Variants in SLC35D2 observed in about 807,000 individuals in gnomAD.
SLC35D2 encodes the protein nucleotide sugar transporter SLC35D2.
In SLC35D2, 43 loss-of-function variants were observed where a neutral mutation model predicts 41.8. That is an observed-to-expected ratio of 1.03 (90% confidence interval 0.81 to 1.33). The LOEUF (loss-of-function observed/expected upper bound fraction) is 1.33, where lower values mean the gene tolerates loss of function less well. Ranked by LOEUF, SLC35D2 falls within the 40% of genes most tolerant of loss-of-function variation. SLC35D2 has a pLI of 0.00. For missense variants in SLC35D2, 380 were observed against 408.4 expected (o/e 0.93, Z 0.60); for synonymous variants, 150 against 163.9 (o/e 0.92, Z 0.65).
At chr9:96,368,137 C>G in intron 2 of SLC35D2, 135 bp downstream of exon 2, 1 of 562,850 alleles carries the variant, frequency 1.8e-6, no homozygotes, top group East Asian at 3.0e-5. Context: ...GTTGTCTCAC[C>G]AGGAGTACCA....
Position 96,341,405 on chromosome 9 carries a change from G to A in SLC35D2, c.684+2499C>T, listed in dbSNP as rs58049433. On this transcript the variant is annotated intron_variant, in intron 8 of 11. Transcript: ENST00000253270. ...AAACAAACACTTTTCATATACAAAT[G>A]AAGTAAATAAAGATGACAGTGGAGG... Among the ~76,000 whole-genome samples, 377 of 152,306 alleles carry A rather than the reference G, an allele frequency of 2.5e-3. 1 individual carries two copies. Among genetic ancestry groups the A allele is most frequent in the African/African-American group, 8.5e-3 (352 of 41,556 alleles).
At chr9:96,358,055 A>C (rs1830099759) in intron 4 of SLC35D2, among the ~76,000 whole-genome samples, 1 of 138,442 alleles carries the variant, frequency 7.2e-6, no homozygotes, top group Non-Finnish European at 1.5e-5. Flanking sequence ...ATTTTTATAA[A>C]TGGATAAACA....
chr9:96,323,514 CT>C (rs1019749579), intron 10 of SLC35D2, among the ~76,000 whole-genome samples: 1 of 152,140 alleles, frequency 6.6e-6, no homozygotes, highest in South Asian at 2.1e-4. Flanking sequence ...TTCTTTTTAG[CT>C]TTTTACTTCA....
At chr9:96,364,147 C>T (rs1830389179) in intron 3 of SLC35D2, among the ~76,000 whole-genome samples, 1 of 152,074 alleles carries the variant, frequency 6.6e-6, no homozygotes, top group African/African-American at 2.4e-5. Context: ...GAAACCCCAT[C>T]TCTACTAAAA....
chr9:96,331,720 G>A (rs747426177), intron 9 of SLC35D2, among the ~76,000 whole-genome samples: 1 of 152,116 alleles, frequency 6.6e-6, no homozygotes, highest in Non-Finnish European at 1.5e-5. Context: ...GCCCCAGGCC[G>A]CAGACCGGTA....
chr9:96,318,071 C>G (rs1828101090), downstream of SLC35D2, among the ~76,000 whole-genome samples: 1 of 149,226 alleles, frequency 6.7e-6, no homozygotes, highest in Non-Finnish European at 1.5e-5. Flanking sequence ...CAAGTTTACA[C>G]TCCAGAAGCC....
rs112295734 is a variant in SLC35D2 at position 96,376,168 on chromosome 9, G to A, written c.158+7309C>T. On this transcript the variant is annotated intron_variant, in intron 1 of 11. Coordinates refer to ENST00000253270, the MANE Select transcript of SLC35D2 (RefSeq NM_007001.3). ...AAAATAGCTGGGCATAGTGGCAGGC[G>A]CCTGTAATCCCAGCTACTCGGGAGG... 2.6e-3 allele frequency among the ~76,000 whole-genome samples: 400 copies of A among 151,494 alleles called. 1 individual carries two copies. The highest frequency in any genetic ancestry group is 9.0e-3 in the African/African-American group (372 of 41,304).
intron 4 of SLC35D2, among the ~76,000 whole-genome samples, chr9:96,352,834 T>A (rs1344775348): frequency 4.6e-5 from 7 of 151,944 alleles, no homozygotes; most frequent in African/African-American, 1.7e-4. Context: ...GGTCAGGAGT[T>A]TGACACCACA....
chr9:96,319,691 G>A (rs891102927), downstream of SLC35D2, among the ~76,000 whole-genome samples: 15 of 151,974 alleles, frequency 9.9e-5, no homozygotes, highest in African/African-American at 3.4e-4. Flanking sequence ...TAGAGATGAT[G>A]TTTCGGCCAT....
chr9:96,326,818 A>G (rs983981908), intron 9 of SLC35D2, among the ~76,000 whole-genome samples: 2 of 152,164 alleles, frequency 1.3e-5, no homozygotes, highest in East Asian at 3.9e-4. Flanking sequence ...AAAAAAAAAA[A>G]AAAGAAAATC....
chr9:96,378,600 T>C (rs1306099788), intron 1 of SLC35D2, among the ~76,000 whole-genome samples: 1 of 152,128 alleles, frequency 6.6e-6, no homozygotes, highest in Non-Finnish European at 1.5e-5. Flanking sequence ...TATAATATTA[T>C]ATAATGTTAA....
chr9:96,367,717 G>A (rs1830530319), intron 2 of SLC35D2, among the ~76,000 whole-genome samples: 1 of 152,078 alleles, frequency 6.6e-6, no homozygotes, highest in Admixed American at 6.6e-5. Context: ...GGGAGGCACA[G>A]GTGGCAGTGA....
At chr9:96,359,869 C>G (rs898619892) in intron 4 of SLC35D2, among the ~76,000 whole-genome samples, 5 of 152,062 alleles carry the variant, frequency 3.3e-5, no homozygotes, top group Non-Finnish European at 5.9e-5. Flanking sequence ...ATATTCACAC[C>G]AACAATCCCA....
intron 9 of SLC35D2, among the ~76,000 whole-genome samples, chr9:96,326,195 C>T (rs1828519664): frequency 6.6e-6 from 1 of 152,040 alleles, no homozygotes; most frequent in Admixed American, 6.6e-5. Flanking sequence ...TTGGTTTATT[C>T]TATTTCAAAG....
At chr9:96,369,536 A>C (rs909723978) in intron 1 of SLC35D2, among the ~76,000 whole-genome samples, 5 of 152,198 alleles carry the variant, frequency 3.3e-5, no homozygotes, top group Non-Finnish European at 7.3e-5. Context: ...TTCATGTTCA[A>C]ATTACAATAA....
intron 1 of SLC35D2, among the ~76,000 whole-genome samples, chr9:96,379,972 A>G (rs568080642): frequency 6.8e-6 from 1 of 147,786 alleles, no homozygotes; most frequent in East Asian, 2.0e-4. Context: ...GTCTCAGCTC[A>G]CCACAACCTC....
chr9:96,322,939 T>C (rs1451552087), intron 10 of SLC35D2, among the ~76,000 whole-genome samples: 1 of 151,988 alleles, frequency 6.6e-6, no homozygotes, highest in African/African-American at 2.4e-5. Context: ...GGCTGGTCTC[T>C]AATTCCTGAC....
rs1400724821 is a variant in SLC35D2 at position 96,325,677 on chromosome 9, A to G, written c.753-1508T>C. 2.0e-5 allele frequency among the ~76,000 whole-genome samples: 3 copies of G among 152,332 alleles called. No homozygotes were observed. In the East Asian group the frequency reaches 5.8e-4, roughly 29 times the overall value. On this transcript the variant is annotated intron_variant, in intron 9 of 11. Transcript: ENST00000253270. ...ACAGGGCGAAACTCCATTTCAATTAATTAATTAATTAATTAGTCCCAGGTT... is the reference window on the plus strand; with the variant it reads ...ACAGGGCGAAACTCCATTTCAATTAGTTAATTAATTAATTAGTCCCAGGTT...
downstream of SLC35D2, among the ~76,000 whole-genome samples, chr9:96,318,313 T>C (rs1326207553): frequency 6.6e-6 from 1 of 151,762 alleles, no homozygotes; most frequent in African/African-American, 2.4e-5. Flanking sequence ...TATTTAAAAT[T>C]AGGCAGGCTA....
Sources: gnomAD v4.1 joint callset for allele counts (sites outside exome capture counted in the v4.1 genomes callset) on GRCh38, gnomAD v4.1.1 for gene constraint, MANE v1.5 for transcripts, NCBI Gene and HGNC (gene_info 2026-07-23, HGNC 2026-07-21) for gene names.